PARD3B: variants seen among roughly 807,000 people sequenced by gnomAD.
PARD3B encodes partitioning defective 3 homolog B.
Under a neutral mutation model 130.2 loss-of-function variants are expected in PARD3B, and 103 were observed. That is an observed-to-expected ratio of 0.79 (90% CI 0.67 to 0.93). The LOEUF (loss-of-function observed/expected upper bound fraction) is 0.93. PARD3B is among the 40% of genes least tolerant of loss of function. The probability of loss-of-function intolerance (pLI) is 0.00; values close to 1 mark genes in which losing one functional copy is unlikely to be tolerated. For missense variants in PARD3B, 1,609 were observed against 1,499.2 expected, an observed-to-expected ratio of 1.07 and a Z score of -1.21; for synonymous variants, 583 against 553.2, an observed-to-expected ratio of 1.05 and a Z score of -0.76.
At chr2:204,548,426 A>G (rs1478915120) in intron 1 of PARD3B, among the ~76,000 whole-genome samples, 3 of 152,188 alleles carry the variant, frequency 2.0e-5, no homozygotes, top group Non-Finnish European at 4.4e-5. Context: ...GATAGGTACT[A>G]TTATTATCCC....
intron 2 of PARD3B, among the ~76,000 whole-genome samples, chr2:204,715,955 G>A (rs1250664442): frequency 6.6e-6 from 1 of 152,062 alleles, no homozygotes; most frequent in Non-Finnish European, 1.5e-5. Flanking sequence ...AGATTCATAG[G>A]CCTCAACCCT....
intron 18 of PARD3B, among the ~76,000 whole-genome samples, chr2:205,344,253 C>A (rs1354232576): frequency 6.7e-6 from 1 of 148,696 alleles, no homozygotes; most frequent in Non-Finnish European, 1.5e-5. Context: ...GCCACAGAGA[C>A]CAAAAGCCGT....
intron 20 of PARD3B, among the ~76,000 whole-genome samples, chr2:205,450,298 G>A (rs1044221783): frequency 6.6e-6 from 1 of 151,906 alleles, no homozygotes; most frequent in South Asian, 2.1e-4. Context: ...ATAGGTTTGG[G>A]AACCTGTTGG....
rs187554928 is a variant in PARD3B, at chr2:204,974,201, G to T, written c.394+8878G>T. On this transcript the variant is annotated intron_variant, in intron 3 of 22. Coordinates refer to ENST00000406610, the MANE Select transcript of PARD3B (RefSeq NM_001302769.2). ...CAGATGGAAGAAATTTGGAACTTTG[G>T]GGGGTTTTGGTGTGTAAAATTAGAG... Among the ~76,000 whole-genome samples the T allele has an allele frequency of 7.4e-3, 1,123 of 152,220 alleles. 19 individuals carry two copies. Among genetic ancestry groups the T allele is most frequent in the African/African-American group, 0.025 (1,051 of 41,538 alleles).
At chr2:205,084,028 A>G (rs1320608035) in intron 4 of PARD3B, among the ~76,000 whole-genome samples, 1 of 152,124 alleles carries the variant, frequency 6.6e-6, no homozygotes, top group Non-Finnish European at 1.5e-5. Context: ...TCCATCTGAC[A>G]AAAGTAGTGA....
At chr2:205,270,373 C>T (rs2040675971) in intron 16 of PARD3B, among the ~76,000 whole-genome samples, 2 of 152,024 alleles carry the variant, frequency 1.3e-5, no homozygotes. Flanking sequence ...TAGAGACCAA[C>T]CTGACCAACA....
chr2:205,548,862 A>G (rs1265644500), intron 21 of PARD3B, among the ~76,000 whole-genome samples: 1 of 152,152 alleles, frequency 6.6e-6, no homozygotes, highest in East Asian at 1.9e-4. Flanking sequence ...AAACGTTTGC[A>G]AAACACACAT....
At chr2:205,505,033 A>G (rs2050299789) in intron 21 of PARD3B, among the ~76,000 whole-genome samples, 1 of 152,254 alleles carries the variant, frequency 6.6e-6, no homozygotes, top group African/African-American at 2.4e-5. Context: ...AATGTGGCAC[A>G]TATACACCAT....
intron 21 of PARD3B, among the ~76,000 whole-genome samples, chr2:205,547,063 C>T (rs2052410818): frequency 6.6e-6 from 1 of 151,782 alleles, no homozygotes; most frequent in Non-Finnish European, 1.5e-5. Flanking sequence ...GAAATGTATC[C>T]CCACCATTTT....
intron 19 of PARD3B, among the ~76,000 whole-genome samples, chr2:205,435,106 T>C (rs1170798487): frequency 6.6e-6 from 1 of 152,064 alleles, no homozygotes; most frequent in African/African-American, 2.4e-5. Context: ...ATATAGAAAA[T>C]GCAAATAGCA....
intron 20 of PARD3B, among the ~76,000 whole-genome samples, chr2:205,498,624 G>A (rs978724897): frequency 6.6e-6 from 1 of 152,212 alleles, no homozygotes; most frequent in African/African-American, 2.4e-5. Context: ...GACAAAAGAA[G>A]TTGAGGACCA....
At chr2:205,286,838 C>T (rs923175248) in intron 16 of PARD3B, among the ~76,000 whole-genome samples, 6 of 152,210 alleles carry the variant, frequency 3.9e-5, no homozygotes, top group African/African-American at 9.6e-5. Flanking sequence ...TTGTTTGAAC[C>T]CCTGGTCAAC....
At chr2:204,798,402 C>A (rs187992865) in intron 2 of PARD3B, among the ~76,000 whole-genome samples, 56 of 152,262 alleles carry the variant, frequency 3.7e-4, no homozygotes, top group Non-Finnish European at 6.3e-4. Flanking sequence ...TTCTGCCAGC[C>A]CCCCCACAGC....
intron 21 of PARD3B, among the ~76,000 whole-genome samples, chr2:205,532,394 T>C (rs1278778249): frequency 2.0e-5 from 3 of 152,174 alleles, no homozygotes; most frequent in Non-Finnish European, 4.4e-5. Context: ...TCAGACTTAC[T>C]CCAGAAGGGG....
intron 2 of PARD3B, among the ~76,000 whole-genome samples, chr2:204,911,302 C>T (rs1028501745): frequency 2.0e-5 from 3 of 152,118 alleles, no homozygotes; most frequent in Admixed American, 2.0e-4. Flanking sequence ...TAATTCAATA[C>T]GATAATGCTG....
At chr2:205,012,252 A>T (rs889450034) in intron 3 of PARD3B, among the ~76,000 whole-genome samples, 3 of 152,024 alleles carry the variant, frequency 2.0e-5, no homozygotes, top group Admixed American at 6.5e-5. Flanking sequence ...TGTGAGTTTT[A>T]CCTATTTTAC....
In PARD3B at chr2:204,883,448, T is replaced by TAAA. The variant is rs1416293808; in HGVS notation, c.223-81703_223-81702insAAA. Among the ~76,000 whole-genome samples the TAAA allele has an allele frequency of 3.4e-3, 358 of 105,750 alleles. 1 individual carries two copies. The highest frequency in any genetic ancestry group is 0.016 in the African/African-American group (329 of 21,182). 69.4% of individuals were successfully genotyped at this position (105,750 alleles called of 152,430 possible). A position where few individuals can be genotyped will look rare whatever the true frequency, so the allele number is the denominator to read the frequency against. ...TATATATATAAAATATATATATATA[T>TAAA]ATATATATTTTTTTTTTTGAGACAG... On this transcript the variant is annotated intron_variant, in intron 2 of 22. Transcript: ENST00000406610.
chr2:205,391,863 T>C (rs2045871597), intron 18 of PARD3B, among the ~76,000 whole-genome samples: 1 of 152,180 alleles, frequency 6.6e-6, no homozygotes, highest in Admixed American at 6.5e-5. Flanking sequence ...AGTTTCCCTT[T>C]TTTTCCCCCT....
chr2:205,223,618 C>CAA (rs59815698), intron 15 of PARD3B, among the ~76,000 whole-genome samples: 2 of 151,694 alleles, frequency 1.3e-5, no homozygotes, highest in South Asian at 2.1e-4. Context: ...GTCCTGTATT[C>CAA]AAAAAAACCA....
Sources: gnomAD v4.1 joint callset for allele counts (sites outside exome capture counted in the v4.1 genomes callset) on GRCh38, gnomAD v4.1.1 for gene constraint, MANE v1.5 for transcripts, NCBI Gene and HGNC (gene_info 2026-07-23, HGNC 2026-07-21) for gene names.